Variants in SHANK2 observed in about 807,000 individuals in gnomAD.
SHANK2 encodes SH3 and multiple ankyrin repeat domains protein 2.
In SHANK2, 43 loss-of-function variants were observed where a neutral mutation model predicts 133.7. The ratio of observed to expected loss-of-function variants is 0.32; its 90% CI spans 0.25 to 0.41. The LOEUF (loss-of-function observed/expected upper bound fraction) is 0.41, where lower values mean the gene tolerates loss of function less well. Among genes scored for constraint, SHANK2 ranks in the 10% least tolerant of loss-of-function variants. The pLI, the probability that SHANK2 is intolerant of heterozygous loss-of-function variation, is 1.00. For missense variants in SHANK2, 1,994 were observed against 2,235.8 expected (o/e 0.89, Z 2.18); for synonymous variants, 1,017 against 952.8 (o/e 1.07, Z -1.24).
intron 2 of SHANK2, among the ~76,000 whole-genome samples, chr11:71,200,874 T>A (rs1954006083): frequency 6.7e-6 from 1 of 149,756 alleles, no homozygotes; most frequent in South Asian, 2.1e-4. Context: ...ACTTCAGATC[T>A]TTATTTTAGT....
At position 71,236,515 on chromosome 11, in the gene SHANK2, G is replaced by A. The variant is rs150308837; in HGVS notation, c.-112-11719C>T. ...TAGTCCCTGCTGCTCCAGAGACTGA[G>A]GCAGGAGAATTGCCTGAACCTGGGA... On this transcript the variant is annotated intron_variant, in intron 1 of 25. Coordinates refer to ENST00000601538, the MANE Select transcript of SHANK2 (RefSeq NM_012309.5). Among the ~76,000 whole-genome samples the A allele has an allele frequency of 9.7e-4, 148 of 152,342 alleles. 1 individual carries two copies. Among genetic ancestry groups the A allele is most frequent in the African/African-American group, 3.3e-3 (139 of 41,582 alleles).
chr11:70,498,931 AAGGATCCTAT>A (rs2059010974), intron 21 of SHANK2, among the ~76,000 whole-genome samples: 1 of 152,180 alleles, frequency 6.6e-6, no homozygotes, highest in South Asian at 2.1e-4. Flanking sequence ...TTAGATCTAC[AAGGATCCTAT>A]TTCCAAATAA....
intron 11 of SHANK2, among the ~76,000 whole-genome samples, chr11:70,835,004 G>A (rs1948790453): frequency 6.6e-6 from 1 of 152,160 alleles, no homozygotes; most frequent in South Asian, 2.1e-4. Flanking sequence ...GGGGCAGCGG[G>A]GAGGAGCTCT....
chr11:70,580,808 C>T (rs2060174951), intron 17 of SHANK2, among the ~76,000 whole-genome samples: 1 of 152,258 alleles, frequency 6.6e-6, no homozygotes, highest in East Asian at 1.9e-4. Flanking sequence ...GACCACAAAG[C>T]CTGTGCTGCT....
intron 10 of SHANK2, among the ~76,000 whole-genome samples, chr11:70,910,541 C>T (rs892232685): frequency 7.2e-5 from 11 of 152,130 alleles, no homozygotes; most frequent in Non-Finnish European, 1.5e-4. Context: ...GGTGTGGTGG[C>T]TCACACCTGT....
chr11:70,543,474 GTCCGTGTAATGAAACT>G (rs2059649159), intron 17 of SHANK2, among the ~76,000 whole-genome samples: 1 of 152,196 alleles, frequency 6.6e-6, no homozygotes, highest in Non-Finnish European at 1.5e-5. Context: ...AATCAATCAT[GTCCGTGTAATGAAACT>G]TCCATAAAAC....
At chr11:71,198,814 A>C (rs1953963742) in intron 2 of SHANK2, among the ~76,000 whole-genome samples, 1 of 152,166 alleles carries the variant, frequency 6.6e-6, no homozygotes, top group Non-Finnish European at 1.5e-5. Context: ...GGGTCTTCAA[A>C]GGCAGAGTTG....
intron 17 of SHANK2, among the ~76,000 whole-genome samples, chr11:70,506,182 G>T (rs1393154240): frequency 2.0e-5 from 3 of 152,232 alleles, no homozygotes; most frequent in Non-Finnish European, 4.4e-5. Context: ...CACCTTCCTT[G>T]TCTGTAGCCG....
rs151128124 is a variant in SHANK2 at position 70,643,286 on chromosome 11, G to A, written c.2061+16542C>T. Among the ~76,000 whole-genome samples, 171 of 152,186 alleles carry A rather than the reference G, an allele frequency of 1.1e-3. 2 individuals carry two copies. The highest frequency in any genetic ancestry group is 9.0e-3 in the Admixed American group (138 of 15,292). On this transcript the variant is annotated intron_variant, in intron 17 of 25. Transcript: ENST00000601538. Reference sequence around the variant, plus strand: ...CATGCTTTTTTAAAAAGCAGAGGCCGGGTGCGGTGGCTCACACCTGTAATC... The same window carrying A: ...CATGCTTTTTTAAAAAGCAGAGGCCAGGTGCGGTGGCTCACACCTGTAATC...
intron 14 of SHANK2, among the ~76,000 whole-genome samples, chr11:70,735,051 G>A (rs1408117187): frequency 1.4e-4 from 21 of 152,170 alleles, no homozygotes; most frequent in African/African-American, 4.8e-4. Flanking sequence ...GCTCAGGGGC[G>A]AAGGGGACCC....
intron 10 of SHANK2, chr11:70,950,079 T>C (rs1265687025): frequency 6.6e-6 from 3 of 456,490 alleles, no homozygotes. Context: ...TTTTTGGAGA[T>C]GGAGTTTCGC....
intron 19 of SHANK2, 123 bp from the exon 20 acceptor site, chr11:70,502,054 A>T: frequency 7.5e-7 from 1 of 1,325,900 alleles, no homozygotes. Context: ...GCTGCGGGGC[A>T]TGCAGGGGCA....
chr11:70,540,731 G>A (rs1363032908), intron 17 of SHANK2, among the ~76,000 whole-genome samples: 2 of 151,964 alleles, frequency 1.3e-5, no homozygotes, highest in Middle Eastern at 3.4e-3. Context: ...AAAATTAGCC[G>A]GGTGTGGTGG....
rs1235633860 is a variant in SHANK2, at chr11:71,118,914, T to C, written c.326A>G (p.Asn109Ser). 18 of 1,551,750 alleles carry C rather than the reference T, an allele frequency of 1.2e-5. No individual in the cohort carries two copies. The highest frequency in any genetic ancestry group is 9.8e-5 in the East Asian group (4 of 40,922). The stretch of plus-strand genomic sequence containing the variant: ...ATCCAGGAACTTGCCGTCACGCCCA[T>C]TGCTGGCCGGCTGGAACAGGCCGTA... ...LNYGLFQPAS[N>S]GRDGKFLDEE... The change falls in exon 4 of 26, where the codon AAT becomes AGT. Residue 109 changes from asparagine (N) to serine (S), a missense_variant. Physicochemically the swap from Asn to Ser is conservative, Grantham distance 46 (BLOSUM62 1). This residue lies in a region of SHANK2 where 653 missense variants were observed against 563.4 expected (regional missense o/e 1.16). Transcript: ENST00000601538.
intron 6 of SHANK2, among the ~76,000 whole-genome samples, chr11:71,105,852 A>C (rs1467337947): frequency 6.6e-6 from 1 of 152,118 alleles, no homozygotes; most frequent in Non-Finnish European, 1.5e-5. Context: ...ACTACTGGGT[A>C]CAGCACCAAG....
chr11:70,724,839 G>A (rs1946147942), intron 14 of SHANK2, among the ~76,000 whole-genome samples: 1 of 152,204 alleles, frequency 6.6e-6, no homozygotes, highest in African/African-American at 2.4e-5. Context: ...AGATCTAACG[G>A]GGTGATCAGG....
At chr11:70,558,379 T>C (rs543999541) in intron 17 of SHANK2, among the ~76,000 whole-genome samples, 1 of 152,332 alleles carries the variant, frequency 6.6e-6, no homozygotes, top group Non-Finnish European at 1.5e-5. Context: ...GCTCAGCCCA[T>C]TCGGCGTGCA....
At chr11:70,564,261 C>CTT (rs782470967) in intron 17 of SHANK2, among the ~76,000 whole-genome samples, 17 of 151,418 alleles carry the variant, frequency 1.1e-4, no homozygotes, top group African/African-American at 4.1e-4. Flanking sequence ...CTTTTCTTTT[C>CTT]TTTTTTTTTT....
At chr11:70,861,296 T>C (rs1949254648) in intron 11 of SHANK2, among the ~76,000 whole-genome samples, 1 of 152,224 alleles carries the variant, frequency 6.6e-6, no homozygotes, top group Non-Finnish European at 1.5e-5. Context: ...CTCTTAAAAA[T>C]GGGTCGTGAA....
Sources: allele counts gnomAD v4.1 joint callset (sites outside exome capture counted in the v4.1 genomes callset), GRCh38; gene constraint gnomAD v4.1.1; regional missense constraint gnomAD v4.1.1; transcripts MANE v1.5; gene names NCBI Gene and HGNC (gene_info 2026-07-23, HGNC 2026-07-21).